Variants in RUFY1 observed in about 807,000 individuals in gnomAD.
RUFY1 encodes the protein RUN and FYVE domain-containing protein 1.
Under a neutral mutation model 94.6 loss-of-function variants are expected in RUFY1, and 54 were observed. That is an observed-to-expected ratio of 0.57 (90% confidence interval 0.46 to 0.72). RUFY1 has a LOEUF of 0.72. RUFY1 is among the 30% of genes least tolerant of loss of function. The pLI is 0.00. For missense variants in RUFY1, 883 were observed against 883.9 expected (o/e 1.00, Z 0.01); for synonymous variants, 396 against 347.3 (o/e 1.14, Z -1.56).
intron 1 of RUFY1, among the ~76,000 whole-genome samples, chr5:179,558,238 A>C (rs1269568999): frequency 1.3e-5 from 2 of 152,170 alleles, no homozygotes; most frequent in Non-Finnish European, 2.9e-5. Flanking sequence ...ACAGTTTTAA[A>C]ATTTATAAAT....
At chr5:179,554,491 G>T (rs566697035) in intron 1 of RUFY1, among the ~76,000 whole-genome samples, 1 of 151,654 alleles carries the variant, frequency 6.6e-6, no homozygotes, top group African/African-American at 2.4e-5. Flanking sequence ...AGCCAAGATC[G>T]CCGCATTGCA....
chr5:179,550,942 G>A, intron 1 of RUFY1, 63 bp downstream of exon 1: 4 of 1,019,782 alleles, frequency 3.9e-6, no homozygotes, highest in Non-Finnish European at 4.7e-6. Context: ...GCCGGCGCGG[G>A]CGCGGTGGGG....
In RUFY1 at chr5:179,593,576, A is replaced by G. The variant is rs1167885800; in HGVS notation, c.1344A>G (p.Thr448=). ...LEKDTHEKQD[T]LVALRQQLEE... The stretch of plus-strand genomic sequence containing the variant: ...AGGACACCCACGAGAAGCAGGACAC[A>G]CTAGTTGCCCTCCGCCAGCAGCTGG... Residue 448 remains threonine (T), a synonymous_variant, in exon 11 of 18, where the codon ACA becomes ACG. Coordinates refer to ENST00000319449, the MANE Select transcript of RUFY1 (RefSeq NM_025158.5). 3.7e-6 allele frequency: 6 copies of G among 1,614,082 alleles called. No individual in the cohort carries two copies. Among genetic ancestry groups the G allele is most frequent in the East Asian group, 2.2e-5 (1 of 44,902 alleles).
At chr5:179,587,502 C>T (rs547136839) in intron 8 of RUFY1, among the ~76,000 whole-genome samples, 8 of 150,864 alleles carry the variant, frequency 5.3e-5, no homozygotes, top group African/African-American at 1.2e-4. Context: ...CGCCATTCTC[C>T]TGCCTCAGCC....
intron 13 of RUFY1, 63 bp from the exon 14 acceptor site, chr5:179,598,629 G>A: frequency 6.3e-7 from 1 of 1,595,092 alleles, no homozygotes; most frequent in Non-Finnish European, 8.6e-7. Flanking sequence ...CGGTGAATTG[G>A]GTTGTGAATC....
intron 15 of RUFY1, among the ~76,000 whole-genome samples, chr5:179,605,209 G>C (rs1265552410): frequency 6.7e-6 from 1 of 150,370 alleles, no homozygotes; most frequent in Non-Finnish European, 1.5e-5. Flanking sequence ...AGCCCAGGAG[G>C]TCAAGGTTGC....
chr5:179,576,529 T>C (rs543531120), intron 5 of RUFY1, among the ~76,000 whole-genome samples: 141 of 152,340 alleles, frequency 9.3e-4, no homozygotes, highest in African/African-American at 3.4e-3. Flanking sequence ...CAAGCGATTC[T>C]CCTGCCTCAG....
At chr5:179,588,620 A>G (rs1399301370) in intron 8 of RUFY1, among the ~76,000 whole-genome samples, 1 of 152,168 alleles carries the variant, frequency 6.6e-6, no homozygotes, top group African/African-American at 2.4e-5. Context: ...TTTACCGATC[A>G]TTAGCTGGAA....
intron 2 of RUFY1, among the ~76,000 whole-genome samples, chr5:179,560,555 TAAAAAAA>T (rs35636829): frequency 7.0e-6 from 1 of 143,794 alleles, no homozygotes; most frequent in African/African-American, 2.6e-5. Context: ...CGGTCTCTAC[TAAAAAAA>T]AAAAATACAA....
At position 179,550,757 on chromosome 5, in the gene RUFY1, C is replaced by G. The variant is rs1035599064; in HGVS notation, c.188C>G (p.Ser63Trp). 5 of 1,442,314 alleles carry G rather than the reference C, an allele frequency of 3.5e-6. No individual in the cohort carries two copies. The highest frequency in any genetic ancestry group is 9.1e-7 in the Non-Finnish European group (1 of 1,097,408). The allele number at this position is 1,442,314 out of a possible 1,614,324, so 89.3% of individuals were successfully genotyped here. ...ATRPRAAEGW[S>W]APILTLARRA... ...AGGCCGCGGGCGGCCGAGGGCTGGT[C>G]GGCGCCCATCCTGACCCTGGCACGC... The change falls in exon 1 of 18, where the codon TCG (serine) becomes TGG (tryptophan). Residue 63 changes from serine to tryptophan, a missense_variant. Ser to Trp is a radical substitution (Grantham distance 177, BLOSUM62 -3). Transcript: ENST00000319449.
Position 179,609,500 on chromosome 5 carries a change from G to A in RUFY1, c.2108G>A (p.Cys703Tyr). ...TGCCACACCCTGCTCCTGCAGCGCT[G>A]CTCCTCCACGGCCTCCTGAACGTCC... ...DSCHTLLLQR[C>Y]SSTAS The change falls in exon 18 of 18, where the codon TGC becomes TAC. Residue 703 changes from cysteine to tyrosine, a missense_variant. Physicochemically the swap from Cys to Tyr is radical, Grantham distance 194 (BLOSUM62 -2). Coordinates refer to ENST00000319449, the MANE Select transcript of RUFY1 (RefSeq NM_025158.5). The A allele has an allele frequency of 1.2e-6, 2 of 1,606,244 alleles. No homozygotes were observed. The highest frequency in any genetic ancestry group is 1.7e-6 in the Non-Finnish European group (2 of 1,178,722).
chr5:179,575,870 C>A (rs1219274027), intron 5 of RUFY1, among the ~76,000 whole-genome samples: 1 of 152,032 alleles, frequency 6.6e-6, no homozygotes, highest in African/African-American at 2.4e-5. Flanking sequence ...CAGCCTTAAC[C>A]TCCTGGGCTC....
chr5:179,588,980 C>G (rs1466534543), intron 8 of RUFY1, among the ~76,000 whole-genome samples: 2 of 152,210 alleles, frequency 1.3e-5, no homozygotes, highest in East Asian at 3.8e-4. Flanking sequence ...GTCCACCCAC[C>G]TCAGCCTCCC....
chr5:179,598,818 A>T lies in RUFY1; in HGVS notation c.1758A>T (p.Lys586Asn), dbSNP rs997016551. ...RMELQQVEGL[K>N]KELRELQDEK... ...AGCTGCAACAAGTGGAAGGACTGAA[A>T]AAGGTGAGGTGGGCCATCCCGGGAG... Residue 586 changes from lysine to asparagine, a missense_variant, in exon 14 of 18, where the codon AAA becomes AAT. Lys to Asn is a moderately conservative substitution (Grantham distance 94, BLOSUM62 0). Transcript: ENST00000319449. 3 of 1,614,078 alleles carry T rather than the reference A, an allele frequency of 1.9e-6. No individual in the cohort carries two copies. Among genetic ancestry groups the T allele is most frequent in the Admixed American group, 3.3e-5 (2 of 60,002 alleles).
chr5:179,592,028 C>G (rs1276253534), intron 10 of RUFY1, among the ~76,000 whole-genome samples: 1 of 152,150 alleles, frequency 6.6e-6, no homozygotes, highest in East Asian at 1.9e-4. Context: ...CCACTGCAAA[C>G]TCTGCCTCCT....
intron 15 of RUFY1, chr5:179,602,331 G>C (rs1766521194): frequency 4.3e-6 from 1 of 231,430 alleles, no homozygotes. Flanking sequence ...AGAGGGAGCA[G>C]GGCTGGTTTG....
chr5:179,604,391 G>A (rs1164596429), intron 15 of RUFY1, among the ~76,000 whole-genome samples: 2 of 152,214 alleles, frequency 1.3e-5, no homozygotes, highest in Admixed American at 1.3e-4. Context: ...GTTTCCCAGA[G>A]TTCTTGTATG....
At chr5:179,598,047 G>GGGCGTGGT (rs540992653) in intron 13 of RUFY1, among the ~76,000 whole-genome samples, 286 of 152,344 alleles carry the variant, frequency 1.9e-3, no homozygotes, top group African/African-American at 6.7e-3. Flanking sequence ...AAAATTAGCT[G>GGGCGTGGT]GGCGTGGTGG....
intron 3 of RUFY1, among the ~76,000 whole-genome samples, chr5:179,564,763 G>C (rs1313069988): frequency 6.8e-6 from 1 of 147,342 alleles, no homozygotes; most frequent in Admixed American, 6.8e-5. Context: ...ACATGAAAAT[G>C]ACACATGTAC....
Sources: allele counts gnomAD v4.1 joint callset (sites outside exome capture counted in the v4.1 genomes callset), GRCh38; gene constraint gnomAD v4.1.1; transcripts MANE v1.5; gene names NCBI Gene and HGNC (gene_info 2026-07-23, HGNC 2026-07-21).